ROS1: variants seen among roughly 807,000 people sequenced by gnomAD.
The protein encoded by ROS1 is ROS proto-oncogene 1, receptor tyrosine kinase.
ROS1 carries 263 observed loss-of-function variants against 273.5 expected under a neutral mutation model. The ratio of observed to expected loss-of-function variants is 0.96; its 90% CI spans 0.87 to 1.06. ROS1 has a LOEUF of 1.06. Ranked by LOEUF, ROS1 falls within the 50% of genes least tolerant of loss-of-function variation. The pLI, the probability that ROS1 is intolerant of heterozygous loss-of-function variation, is 0.00. For missense variants in ROS1, 2,833 were observed against 2,751.1 expected, an observed-to-expected ratio of 1.03 and a Z score of -0.67; for synonymous variants, 1,008 against 954.1, an observed-to-expected ratio of 1.06 and a Z score of -1.04.
At chr6:117,416,353 G>C (rs1167420575) in intron 2 of ROS1, 36 bp from the exon 3 acceptor site, 1 of 1,370,676 alleles carries the variant, frequency 7.3e-7, no homozygotes, top group South Asian at 1.2e-5. Flanking sequence ...GTGAGTGATT[G>C]AAGAAATGTG....
At chr6:117,346,125 G>C (rs1381957867) in intron 27 of ROS1, among the ~76,000 whole-genome samples, 1 of 152,174 alleles carries the variant, frequency 6.6e-6, no homozygotes, top group African/African-American at 2.4e-5. Flanking sequence ...ACACATGTGA[G>C]CAATCAGAGC....
chr6:117,333,179 C>T (rs1219252418), intron 32 of ROS1, among the ~76,000 whole-genome samples: 1 of 151,814 alleles, frequency 6.6e-6, no homozygotes, highest in African/African-American at 2.4e-5. Flanking sequence ...CACCACTGAC[C>T]CCACAGAAAT....
intron 39 of ROS1, among the ~76,000 whole-genome samples, chr6:117,313,350 A>G (rs770723392): frequency 6.6e-6 from 1 of 152,120 alleles, no homozygotes; most frequent in Admixed American, 6.6e-5. Context: ...AGATTACTTG[A>G]GGTCATCAGG....
At chr6:117,326,162 C>A (rs1454272184) in intron 34 of ROS1, 62 bp downstream of exon 34, 1 of 754,826 alleles carries the variant, frequency 1.3e-6, no homozygotes, top group Non-Finnish European at 2.1e-6. Context: ...TAAGAATGTA[C>A]TGATATTTAT....
rs113378992 is a variant in ROS1 at position 117,362,481 on chromosome 6, G to A, written c.3366+122C>T. On this transcript the variant is annotated intron_variant, in intron 22 of 43. Coordinates refer to ENST00000368507, the MANE Select transcript of ROS1 (RefSeq NM_001378902.1). ...TCACATAATTTTAAAAAACTATAGT[G>A]GCCAATCAAAATCTAGGTATGTGTG... 4,825 of 821,600 alleles carry A rather than the reference G, an allele frequency of 5.9e-3. 22 individuals are homozygous for A. The highest frequency in any genetic ancestry group is 7.3e-3 in the Non-Finnish European group (4,008 of 546,990). 50.9% of individuals were successfully genotyped at this position (821,600 alleles called of 1,614,324 possible).
At position 117,419,434 on chromosome 6, in the gene ROS1, G is replaced by A. The variant is rs552868941; in HGVS notation, c.124-928C>T. 2.0e-5 allele frequency among the ~76,000 whole-genome samples: 3 copies of A among 152,232 alleles called. No individual in the cohort carries two copies. In the South Asian group the frequency reaches 6.2e-4, roughly 32 times the overall value. On this transcript the variant is annotated intron_variant, in intron 1 of 43. Coordinates refer to ENST00000368507, the MANE Select transcript of ROS1 (RefSeq NM_001378902.1). ...TGTTGCCTGTTTTTTTCTTTAATTT[G>A]AAGCATGAGTGAGGATTCCTTTAAA...
intron 21 of ROS1, 54 bp from the exon 22 acceptor site, chr6:117,362,919 A>T: frequency 7.0e-7 from 1 of 1,430,230 alleles, no homozygotes; most frequent in Non-Finnish European, 9.4e-7. Context: ...TATAAAGAAT[A>T]TAAGACTTTT....
intron 27 of ROS1, among the ~76,000 whole-genome samples, chr6:117,351,651 T>C (rs1778878296): frequency 6.6e-6 from 1 of 152,192 alleles, no homozygotes; most frequent in South Asian, 2.1e-4. Context: ...TCTGGTAAAT[T>C]GTAATTCTCT....
At chr6:117,417,228 T>C (rs148974529) in intron 2 of ROS1, among the ~76,000 whole-genome samples, 1 of 152,278 alleles carries the variant, frequency 6.6e-6, no homozygotes, top group Non-Finnish European at 1.5e-5. Context: ...AATTCCTTAC[T>C]TTCCATCCTC....
At chr6:117,416,237 A>G in intron 3 of ROS1, 21 bp downstream of exon 3, 1 of 1,404,438 alleles carries the variant, frequency 7.1e-7, no homozygotes, top group Non-Finnish European at 1.0e-6. Context: ...GTATCAAAAT[A>G]GAAATCTAAT....
intron 42 of ROS1, among the ~76,000 whole-genome samples, chr6:117,305,942 T>C (rs1010056239): frequency 6.6e-6 from 1 of 152,032 alleles, no homozygotes; most frequent in Non-Finnish European, 1.5e-5. Context: ...AGAAAAATAC[T>C]CATTATACTT....
At chr6:117,361,559 T>C (rs1405080538) in intron 22 of ROS1, among the ~76,000 whole-genome samples, 1 of 148,258 alleles carries the variant, frequency 6.7e-6, no homozygotes, top group Non-Finnish European at 1.5e-5. Context: ...ATATTTATAT[T>C]ATATATTCTA....
chr6:117,354,891 T>C (rs1041685800), intron 26 of ROS1, among the ~76,000 whole-genome samples: 1 of 152,182 alleles, frequency 6.6e-6, no homozygotes, highest in Non-Finnish European at 1.5e-5. Context: ...TTGGGGTTTT[T>C]ATAGCCAAGA....
rs917434730 is a variant in ROS1, at chr6:117,348,393, G to A, written c.4304-4131C>T. Reference sequence around the variant, plus strand: ...CATAGAGTTGTTAATAGTATTCCTTGATTATCCTTTTAATCTCCATGGGTT... The same window carrying A: ...CATAGAGTTGTTAATAGTATTCCTTAATTATCCTTTTAATCTCCATGGGTT... On this transcript the variant is annotated intron_variant, in intron 27 of 43. Transcript: ENST00000368507. Among the ~76,000 whole-genome samples, 5 of 152,008 alleles carry A rather than the reference G, an allele frequency of 3.3e-5. No homozygotes were observed. In the East Asian group the frequency reaches 9.7e-4, roughly 29 times the overall value.
At chr6:117,312,632 G>A (rs1466680825) in intron 39 of ROS1, among the ~76,000 whole-genome samples, 1 of 151,976 alleles carries the variant, frequency 6.6e-6, no homozygotes, top group Non-Finnish European at 1.5e-5. Flanking sequence ...GGTGGCTAGT[G>A]CCCTGTTCCC....
intron 18 of ROS1, among the ~76,000 whole-genome samples, chr6:117,377,290 T>C (rs933887879): frequency 4.6e-5 from 7 of 152,122 alleles, no homozygotes; most frequent in African/African-American, 1.7e-4. Flanking sequence ...TTTGTATTTT[T>C]AGTAGAGACG....
chr6:117,318,162 C>T (rs1251323512), intron 38 of ROS1, 26 bp downstream of exon 38: 4 of 1,590,758 alleles, frequency 2.5e-6, no homozygotes, highest in Non-Finnish European at 3.4e-6. Flanking sequence ...CTTACCCATA[C>T]CAGGAGAAAA....
At chr6:117,296,317 C>A (rs1467396756) in intron 43 of ROS1, among the ~76,000 whole-genome samples, 1 of 151,898 alleles carries the variant, frequency 6.6e-6, no homozygotes, top group Non-Finnish European at 1.5e-5. Context: ...ATAAGAATCG[C>A]TTGAAACTGA....
rs753449188 is a variant in ROS1 at position 117,321,401 on chromosome 6, A to C, written c.5624-7T>G. 3 of 1,587,546 alleles carry C rather than the reference A, an allele frequency of 1.9e-6. No homozygotes were observed. The highest frequency in any genetic ancestry group is 2.6e-6 in the Non-Finnish European group (3 of 1,169,940). On this transcript the variant is annotated splice_polypyrimidine_tract_variant and splice_region_variant and intron_variant, in intron 35 of 43. Coordinates refer to ENST00000368507, the MANE Select transcript of ROS1 (RefSeq NM_001378902.1). ...TTTAATCTTCTATGCCAGACTATAA[A>C]GGAAAAAATGACATAATTTACAAAA...
Sources: gnomAD v4.1 joint callset for allele counts (sites outside exome capture counted in the v4.1 genomes callset) on GRCh38, gnomAD v4.1.1 for gene constraint, MANE v1.5 for transcripts, NCBI Gene and HGNC (gene_info 2026-07-23, HGNC 2026-07-21) for gene names.